The following STXBP5L variants were observed in gnomAD, a reference collection of about 807,000 sequenced individuals.
The protein encoded by STXBP5L is syntaxin binding protein 5L, also known as syntaxin-binding protein 5-like.
A neutral mutation model predicts 144.5 loss-of-function variants in STXBP5L; 65 were observed. The ratio of observed to expected loss-of-function variants is 0.45; its 90% CI spans 0.37 to 0.55. The LOEUF is 0.55. STXBP5L is among the 20% of genes least tolerant of loss of function. The pLI, the probability that STXBP5L is intolerant of heterozygous loss-of-function variation, is 0.00. For synonymous variants in STXBP5L, 505 were observed against 469.6 expected (o/e 1.08, Z -0.97); for missense variants, 1,298 against 1,405.5 (o/e 0.92, Z 1.22).
At chr3:121,250,169 T>C (rs2049984548) in intron 14 of STXBP5L, among the ~76,000 whole-genome samples, 1 of 152,068 alleles carries the variant, frequency 6.6e-6, no homozygotes, top group South Asian at 2.1e-4. Flanking sequence ...GTAATGTTTT[T>C]ATGTGGTTTT....
rs369727344 is a variant in STXBP5L, at chr3:121,015,339, A to G, written c.288-26361A>G. On this transcript the variant is annotated intron_variant, in intron 3 of 26. Coordinates refer to ENST00000471454, the MANE Select transcript of STXBP5L (RefSeq NM_001308330.2). ...TTGTTACTCCCATTCTTAAAACAAT[A>G]AGATGTTGATCAGTCTTAAAATTAA... Among the ~76,000 whole-genome samples the G allele has an allele frequency of 9.2e-5, 14 of 152,312 alleles. No homozygotes were observed. In the East Asian group the frequency reaches 1.5e-3, roughly 17 times the overall value.
intron 5 of STXBP5L, among the ~76,000 whole-genome samples, chr3:121,053,988 A>C (rs932256875): frequency 6.6e-6 from 1 of 152,228 alleles, no homozygotes; most frequent in East Asian, 1.9e-4. Flanking sequence ...ACACATGAAA[A>C]AATGCTCATC....
At chr3:121,066,988 T>G (rs1221108887) in intron 5 of STXBP5L, among the ~76,000 whole-genome samples, 1 of 152,118 alleles carries the variant, frequency 6.6e-6, no homozygotes, top group Non-Finnish European at 1.5e-5. Context: ...TTTTTCAAAT[T>G]TATTAGCCTT....
intron 3 of STXBP5L, among the ~76,000 whole-genome samples, chr3:121,006,468 C>T (rs1023530126): frequency 1.3e-5 from 2 of 152,114 alleles, no homozygotes; most frequent in African/African-American, 4.8e-5. Context: ...GATGGGTTTC[C>T]TCAATACAGC....
intron 2 of STXBP5L, among the ~76,000 whole-genome samples, chr3:120,913,521 T>C (rs1197291189): frequency 6.6e-6 from 1 of 152,064 alleles, no homozygotes; most frequent in Non-Finnish European, 1.5e-5. Context: ...AATTACTACT[T>C]ATATATGCCT....
intron 11 of STXBP5L, among the ~76,000 whole-genome samples, chr3:121,229,802 C>T (rs1350540562): frequency 6.6e-6 from 1 of 152,148 alleles, no homozygotes; most frequent in Admixed American, 6.6e-5. Flanking sequence ...AATCCTCCCA[C>T]CTTAGCTTCC....
intron 20 of STXBP5L, among the ~76,000 whole-genome samples, chr3:121,358,674 A>G (rs1440078178): frequency 6.6e-6 from 1 of 152,178 alleles, no homozygotes; most frequent in East Asian, 1.9e-4. Flanking sequence ...CCATATAAGC[A>G]TTCTACTCTC....
At position 121,360,321 on chromosome 3, in the gene STXBP5L, C is replaced by T. The variant is rs115027572; in HGVS notation, c.2177-18395C>T. 5.2e-3 allele frequency among the ~76,000 whole-genome samples: 794 copies of T among 151,732 alleles called. 5 individuals carry two copies. The highest frequency in any genetic ancestry group is 8.3e-3 in the Non-Finnish European group (566 of 67,854). On this transcript the variant is annotated intron_variant, in intron 20 of 26. Coordinates refer to ENST00000471454, the MANE Select transcript of STXBP5L (RefSeq NM_001308330.2). ...AGGTGAAGTGTTTTCTTGTAGGCAG[C>T]AGATCAATGGATCTTTTTTTAATCC...
At chr3:121,249,276 T>C (rs1417143690) in intron 14 of STXBP5L, among the ~76,000 whole-genome samples, 1 of 152,210 alleles carries the variant, frequency 6.6e-6, no homozygotes, top group Non-Finnish European at 1.5e-5. Context: ...TACCATATTT[T>C]AATTGTGATT....
intron 9 of STXBP5L, among the ~76,000 whole-genome samples, chr3:121,162,217 A>C (rs1424883038): frequency 2.0e-5 from 3 of 152,160 alleles, no homozygotes; most frequent in Non-Finnish European, 4.4e-5. Context: ...TACTAAATTC[A>C]ATGGTATGAA....
intron 3 of STXBP5L, among the ~76,000 whole-genome samples, chr3:120,990,425 A>C (rs1344109407): frequency 2.0e-5 from 3 of 152,160 alleles, no homozygotes; most frequent in Admixed American, 1.3e-4. Flanking sequence ...TCAAGCTACC[A>C]ATGACTTTCT....
chr3:120,954,837 C>G, intron 2 of STXBP5L, 103 bp from the exon 3 acceptor site: 2 of 794,506 alleles, frequency 2.5e-6, no homozygotes. Context: ...TTTTTTTTTT[C>G]CTTTAAACTA....
At chr3:121,319,721 T>A (rs2043906147) in intron 20 of STXBP5L, among the ~76,000 whole-genome samples, 1 of 152,242 alleles carries the variant, frequency 6.6e-6, no homozygotes, top group Non-Finnish European at 1.5e-5. Flanking sequence ...AAAATTAATA[T>A]TCTTAAAATA....
intron 9 of STXBP5L, among the ~76,000 whole-genome samples, chr3:121,182,625 G>A (rs895569488): frequency 1.3e-5 from 2 of 152,048 alleles, no homozygotes; most frequent in East Asian, 1.9e-4. Context: ...TCCAAACCCA[G>A]CAGAAGAAAA....
intron 19 of STXBP5L, among the ~76,000 whole-genome samples, chr3:121,283,433 T>A (rs1260312304): frequency 1.3e-5 from 2 of 152,044 alleles, no homozygotes; most frequent in African/African-American, 4.8e-5. Flanking sequence ...CTTCCCACTC[T>A]CTCTGTTCCT....
At chr3:121,345,525 G>A (rs61332941) in intron 20 of STXBP5L, among the ~76,000 whole-genome samples, 176 of 152,208 alleles carry the variant, frequency 1.2e-3, no homozygotes, top group African/African-American at 4.1e-3. Context: ...TATATACCCA[G>A]TAATGGGATT....
chr3:121,219,471 T>C (rs912140219), intron 10 of STXBP5L, among the ~76,000 whole-genome samples: 12 of 152,172 alleles, frequency 7.9e-5, no homozygotes, highest in African/African-American at 2.9e-4. Flanking sequence ...GACCAGCCAA[T>C]CGCAGACTTG....
At chr3:120,978,031 G>C (rs967198001) in intron 3 of STXBP5L, among the ~76,000 whole-genome samples, 1 of 152,148 alleles carries the variant, frequency 6.6e-6, no homozygotes, top group Non-Finnish European at 1.5e-5. Context: ...TCTTGGAGTT[G>C]CTCTTCTCAA....
chr3:120,960,815 C>T (rs572487754), intron 3 of STXBP5L, among the ~76,000 whole-genome samples: 395 of 151,848 alleles, frequency 2.6e-3, no homozygotes, highest in Non-Finnish European at 4.3e-3. Context: ...ATGTAAATGA[C>T]GAGTTAATGG....
Sources: allele counts gnomAD v4.1 joint callset (sites outside exome capture counted in the v4.1 genomes callset), GRCh38; gene constraint gnomAD v4.1.1; transcripts MANE v1.5; gene names NCBI Gene and HGNC (gene_info 2026-07-23, HGNC 2026-07-21).